The following CPEB3 variants were observed in gnomAD, a reference collection of about 807,000 sequenced individuals.
CPEB3 encodes the protein cytoplasmic polyadenylation element binding protein 3.
In CPEB3, 20 loss-of-function variants were observed where a neutral mutation model predicts 67.2. The observed-to-expected ratio is 0.30, with a 90% CI of 0.21 to 0.43. The LOEUF (loss-of-function observed/expected upper bound fraction) is 0.43, where lower values mean the gene tolerates loss of function less well. Ranked by LOEUF, CPEB3 falls within the 20% of genes least tolerant of loss-of-function variation. The pLI is 1.00. For synonymous variants in CPEB3, 376 were observed against 393.1 expected, an observed-to-expected ratio of 0.96 and a Z score of 0.51; for missense variants, 746 against 968.6, an observed-to-expected ratio of 0.77 and a Z score of 3.05.
At chr10:92,277,082 T>C (rs1032604759) in intron 1 of CPEB3, among the ~76,000 whole-genome samples, 2 of 152,194 alleles carry the variant, frequency 1.3e-5, no homozygotes, top group Admixed American at 6.6e-5. Context: ...TTTCCAAACA[T>C]TTGTTCCCAT....
At chr10:92,128,219 A>AACC (rs769126753) in intron 6 of CPEB3, among the ~76,000 whole-genome samples, 2 of 152,254 alleles carry the variant, frequency 1.3e-5, no homozygotes, top group Non-Finnish European at 2.9e-5. Context: ...TACTTCTAAT[A>AACC]ACCCTTCAGA....
chr10:92,141,502 G>T (rs1465939628), intron 6 of CPEB3, among the ~76,000 whole-genome samples: 1 of 151,154 alleles, frequency 6.6e-6, no homozygotes, highest in African/African-American at 2.4e-5. Context: ...GATGGGGGAG[G>T]GATAGCATTA....
intron 9 of CPEB3, among the ~76,000 whole-genome samples, chr10:92,066,257 T>C (rs1842544119): frequency 6.6e-6 from 1 of 152,092 alleles, no homozygotes; most frequent in African/African-American, 2.4e-5. Context: ...TAGAACTATT[T>C]AAGGGAAAAA....
At chr10:92,059,142 C>G (rs1175537521) in intron 9 of CPEB3, among the ~76,000 whole-genome samples, 7 of 151,940 alleles carry the variant, frequency 4.6e-5, no homozygotes, top group Admixed American at 6.6e-5. Context: ...GCCTGACTAA[C>G]ATGGTGAAAC....
chr10:92,108,360 T>TA lies in CPEB3; in HGVS notation c.1572+2715dup, dbSNP rs1254224608. ...ACTTCCAAAGGTTCAACACAGTTCT[T>TA]ACTTTTTTTCCCCTCATGGGAGCAT... is the stretch of plus-strand genomic sequence containing the variant. On this transcript the variant is annotated intron_variant, in intron 7 of 9. Coordinates refer to ENST00000265997, the MANE Select transcript of CPEB3 (RefSeq NM_014912.5). Among the ~76,000 whole-genome samples, 3 of 152,214 alleles carry TA rather than the reference T, an allele frequency of 2.0e-5. No individual in the cohort carries two copies. In the East Asian group the frequency reaches 5.8e-4, roughly 29 times the overall value.
intron 6 of CPEB3, among the ~76,000 whole-genome samples, chr10:92,120,119 C>CAAAAAAAAAAAAAAAAAAAAACA (rs1845281587): frequency 1.2e-5 from 1 of 83,938 alleles, no homozygotes; most frequent in African/African-American, 6.8e-5. Flanking sequence ...AAAAAAAAAC[C>CAAAAAAAAAAAAAAAAAAAAACA]AAATTGCTAC....
At chr10:92,178,348 G>A (rs1002017698) in intron 4 of CPEB3, among the ~76,000 whole-genome samples, 3 of 151,870 alleles carry the variant, frequency 2.0e-5, no homozygotes, top group Non-Finnish European at 2.9e-5. Flanking sequence ...TAGTAGAGAC[G>A]GGGTTTCTCC....
chr10:92,166,703 A>C (rs2133987795), intron 4 of CPEB3, among the ~76,000 whole-genome samples: 1 of 152,314 alleles, frequency 6.6e-6, no homozygotes, highest in Middle Eastern at 3.4e-3. Context: ...ATTTAGTATA[A>C]TTCTTAAGGC....
intron 1 of CPEB3, among the ~76,000 whole-genome samples, chr10:92,248,814 C>T (rs781102401): frequency 1.3e-5 from 2 of 152,186 alleles, no homozygotes; most frequent in South Asian, 4.1e-4. Flanking sequence ...TGAGCTAAGT[C>T]CAATGGATGT....
chr10:92,258,660 ATATATATATATATATATAT>A (rs1852645676), intron 1 of CPEB3, among the ~76,000 whole-genome samples: 1 of 69,760 alleles, frequency 1.4e-5, no homozygotes. Context: ...ATATATATAT[ATATATATATATATATATAT>A]TTCATGTATT....
Position 92,239,726 on chromosome 10 carries a change from C to T in CPEB3, c.625G>A (p.Ala209Thr). 6.5e-7 allele frequency: 1 copy of T among 1,531,006 alleles called. No homozygotes were observed. Among genetic ancestry groups the T allele is most frequent in the South Asian group, 1.2e-5 (1 of 80,476 alleles). 94.8% of individuals were successfully genotyped at this position (1,531,006 alleles called of 1,614,324 possible). ...GTCATGATGGGCTGGTGGCCGTACGCCGCGGCGGCGCTCCTCTGCGCGTAG... is the reference window on the plus strand; with the variant it reads ...GTCATGATGGGCTGGTGGCCGTACGTCGCGGCGGCGCTCCTCTGCGCGTAG... ...APYAQRSAAA[A>T]YGHQPIMTSK... The change falls in exon 2 of 10, where the codon GCG becomes ACG. Residue 209 changes from alanine (A) to threonine (T), a missense_variant. Physicochemically the swap from Ala to Thr is moderately conservative, Grantham distance 58. Coordinates refer to ENST00000265997, the MANE Select transcript of CPEB3 (RefSeq NM_014912.5). The surrounding 1 kb of genome is among the most constrained non-coding windows in gnomAD (Gnocchi z 6.0).
chr10:92,131,078 G>GA (rs919797109), intron 6 of CPEB3, among the ~76,000 whole-genome samples: 6 of 152,168 alleles, frequency 3.9e-5, no homozygotes, highest in Non-Finnish European at 5.9e-5. Flanking sequence ...GACTTTAGCT[G>GA]AGAGCAAAAC....
At chr10:92,103,694 T>C (rs747777301) in intron 7 of CPEB3, among the ~76,000 whole-genome samples, 10 of 152,230 alleles carry the variant, frequency 6.6e-5, no homozygotes, top group Admixed American at 1.3e-4. Flanking sequence ...CAATGGACAT[T>C]TGTTGGACCT....
intron 3 of CPEB3, among the ~76,000 whole-genome samples, 180 bp downstream of exon 3, chr10:92,192,293 CTTGA>C (rs1849017186): frequency 6.6e-6 from 1 of 152,074 alleles, no homozygotes; most frequent in Non-Finnish European, 1.5e-5. Context: ...AACAATCCAC[CTTGA>C]TTATTATAGG....
chr10:92,203,298 C>T (rs1043118458), intron 2 of CPEB3, among the ~76,000 whole-genome samples: 4 of 147,732 alleles, frequency 2.7e-5, no homozygotes, highest in African/African-American at 7.4e-5. Flanking sequence ...ATGACACTTC[C>T]GGTAAATCAT....
chr10:92,271,227 G>T (rs1256313507), intron 1 of CPEB3, among the ~76,000 whole-genome samples: 2 of 152,080 alleles, frequency 1.3e-5, no homozygotes, highest in Non-Finnish European at 2.9e-5. Context: ...AATAATTTCA[G>T]AATTACAAAA....
At chr10:92,154,896 T>A (rs1847131532) in intron 4 of CPEB3, among the ~76,000 whole-genome samples, 1 of 152,216 alleles carries the variant, frequency 6.6e-6, no homozygotes, top group Non-Finnish European at 1.5e-5. Flanking sequence ...ATATATTACA[T>A]TCCCTTTATT....
intron 6 of CPEB3, among the ~76,000 whole-genome samples, chr10:92,122,579 A>C (rs1845439514): frequency 6.6e-6 from 1 of 152,250 alleles, no homozygotes; most frequent in East Asian, 1.9e-4. Context: ...GTTCTTAAGG[A>C]GTTTATATAC....
intron 1 of CPEB3, among the ~76,000 whole-genome samples, chr10:92,266,686 C>A (rs557045458): frequency 6.6e-6 from 1 of 151,944 alleles, no homozygotes; most frequent in Non-Finnish European, 1.5e-5. Context: ...GGTATAAAAG[C>A]GCTAGAAAGA....
Sources: allele counts gnomAD v4.1 joint callset (sites outside exome capture counted in the v4.1 genomes callset), GRCh38; gene constraint gnomAD v4.1.1; non-coding constraint Gnocchi (gnomAD v3.1); transcripts MANE v1.5; gene names NCBI Gene and HGNC (gene_info 2026-07-23, HGNC 2026-07-21).